Variants in ARHGAP31 observed in about 807,000 individuals in gnomAD.
The protein encoded by ARHGAP31 is Rho GTPase activating protein 31, also known as rho GTPase-activating protein 31.
In ARHGAP31, 34 loss-of-function variants were observed where a neutral mutation model predicts 113.9. The ratio of observed to expected loss-of-function variants is 0.30; its 90% CI spans 0.23 to 0.40. ARHGAP31 has a LOEUF of 0.40. Ranked by LOEUF, ARHGAP31 falls within the 10% of genes least tolerant of loss-of-function variation. The pLI, the probability that ARHGAP31 is intolerant of heterozygous loss-of-function variation, is 1.00. For synonymous variants in ARHGAP31, 650 were observed against 684.8 expected, an observed-to-expected ratio of 0.95 and a Z score of 0.79; for missense variants, 1,548 against 1,767.1, an observed-to-expected ratio of 0.88 and a Z score of 2.22.
rs577648575 is a variant in ARHGAP31 at position 119,390,038 on chromosome 3, C to G, written c.683-747C>G. Among the ~76,000 whole-genome samples the G allele has an allele frequency of 6.6e-5, 10 of 152,208 alleles. No homozygotes were observed. The South Asian group carries it at 2.1e-3, about 32-fold the overall frequency. On this transcript the variant is annotated intron_variant, in intron 6 of 11. Coordinates refer to ENST00000264245, the MANE Select transcript of ARHGAP31 (RefSeq NM_020754.4). Reference sequence around the variant, plus strand: ...ATATCTCCAGACATTGCCAGATGTCCCTGGGTGTGGAGGGGAGTGGTACAC... The same window carrying G: ...ATATCTCCAGACATTGCCAGATGTCGCTGGGTGTGGAGGGGAGTGGTACAC...
chr3:119,372,892 A>G (rs1168879333), intron 3 of ARHGAP31, among the ~76,000 whole-genome samples: 1 of 152,172 alleles, frequency 6.6e-6, no homozygotes, highest in Non-Finnish European at 1.5e-5. Context: ...ACACTACTTG[A>G]AAGTAGAGTT....
At chr3:119,411,048 G>A (rs1337458491) in intron 11 of ARHGAP31, among the ~76,000 whole-genome samples, 2 of 152,208 alleles carry the variant, frequency 1.3e-5, no homozygotes, top group African/African-American at 4.8e-5. Context: ...AGACCTCCAG[G>A]CAGAAAGAAT....
intron 11 of ARHGAP31, among the ~76,000 whole-genome samples, chr3:119,412,216 C>T (rs2080722392): frequency 6.6e-6 from 1 of 151,972 alleles, no homozygotes; most frequent in Admixed American, 6.6e-5. Flanking sequence ...TGGTGAAACC[C>T]CATCTCTACT....
At chr3:119,311,934 G>A (rs2079686585) in intron 1 of ARHGAP31, among the ~76,000 whole-genome samples, 1 of 152,194 alleles carries the variant, frequency 6.6e-6, no homozygotes, top group Admixed American at 6.5e-5. Flanking sequence ...CCAGACAGAG[G>A]TAACAACAAA....
Position 119,402,004 on chromosome 3 carries a change from A to G in ARHGAP31, c.1252A>G (p.Ser418Gly), listed in dbSNP as rs757025224. 4.3e-6 allele frequency: 7 copies of G among 1,614,152 alleles called. No individual in the cohort carries two copies. Among genetic ancestry groups the G allele is most frequent in the Non-Finnish European group, 5.9e-6 (7 of 1,180,010 alleles). The change falls in exon 10 of 12, where the codon AGC becomes GGC. Residue 418 changes from serine (S) to glycine (G), a missense_variant. Transcript: ENST00000264245. ...TGGCTTTGATGTGAGCAGTGATCGC[A>G]GCCATCTCCAGGGCGCTCAGGCCCG... Reference protein sequence around the residue: ...EGGFDVSSDRSHLQGAQARPP... With the variant: ...EGGFDVSSDRGHLQGAQARPP...
chr3:119,375,959 C>T (rs2080343105), intron 3 of ARHGAP31, among the ~76,000 whole-genome samples: 1 of 152,184 alleles, frequency 6.6e-6, no homozygotes, highest in South Asian at 2.1e-4. Context: ...TCCAGCAACC[C>T]TTCTGCTTCA....
chr3:119,397,087 G>A (rs2080559147), intron 8 of ARHGAP31, among the ~76,000 whole-genome samples: 1 of 152,182 alleles, frequency 6.6e-6, no homozygotes, highest in Non-Finnish European at 1.5e-5. Context: ...AAACTGGGGA[G>A]TACACCTCTG....
chr3:119,402,028 C>T lies in ARHGAP31; in HGVS notation c.1276C>T (p.Arg426Trp), dbSNP rs774182014. 1 of 1,614,150 alleles carries T rather than the reference C, an allele frequency of 6.2e-7. No homozygotes were observed. The highest frequency in any genetic ancestry group is 8.5e-7 in the Non-Finnish European group (1 of 1,180,020). Reference sequence around the variant, plus strand: ...CAGCCATCTCCAGGGCGCTCAGGCCCGGCCCCCACCGGAACAGCTGAAGGT... The same window carrying T: ...CAGCCATCTCCAGGGCGCTCAGGCCTGGCCCCCACCGGAACAGCTGAAGGT... Reference protein sequence around the residue: ...DRSHLQGAQARPPPEQLKVFR... With the variant: ...DRSHLQGAQAWPPPEQLKVFR... The change falls in exon 10 of 12, where the codon CGG becomes TGG. Residue 426 changes from arginine to tryptophan, a missense_variant. Physicochemically the swap from Arg to Trp is moderately radical, Grantham distance 101. Coordinates refer to ENST00000264245, the MANE Select transcript of ARHGAP31 (RefSeq NM_020754.4).
intron 1 of ARHGAP31, among the ~76,000 whole-genome samples, chr3:119,343,310 T>A (rs1237221010): frequency 6.6e-6 from 1 of 152,196 alleles, no homozygotes; most frequent in East Asian, 1.9e-4. Flanking sequence ...CTTTACAAAC[T>A]GAATGATGTT....
intron 1 of ARHGAP31, among the ~76,000 whole-genome samples, chr3:119,306,150 C>G (rs2079629152): frequency 6.6e-6 from 1 of 152,132 alleles, no homozygotes. Context: ...GTAATTCTTG[C>G]TTTTAAATTT....
chr3:119,357,316 C>T (rs1049362071), intron 1 of ARHGAP31, among the ~76,000 whole-genome samples: 4 of 151,992 alleles, frequency 2.6e-5, no homozygotes, highest in Admixed American at 1.3e-4. Context: ...TGGGCTCAGA[C>T]GAGGGAGTAT....
chr3:119,331,482 ACT>A (rs1439220383), intron 1 of ARHGAP31, among the ~76,000 whole-genome samples: 1 of 152,126 alleles, frequency 6.6e-6, no homozygotes, highest in East Asian at 1.9e-4. Context: ...AAAAAATAAA[ACT>A]CTGACTCCAT....
At position 119,399,709 on chromosome 3, in the gene ARHGAP31, A is replaced by G. The variant is rs554595071; in HGVS notation, c.1069+448A>G. Among the ~76,000 whole-genome samples the G allele has an allele frequency of 5.6e-4, 86 of 152,348 alleles. 1 individual carries two copies. In the South Asian group the frequency reaches 0.017, roughly 30 times the overall value. On this transcript the variant is annotated intron_variant, in intron 9 of 11. Coordinates refer to ENST00000264245, the MANE Select transcript of ARHGAP31 (RefSeq NM_020754.4). ...CGCTTCCTAGTTTTTGTGTCAAGTC[A>G]TGATTTTCAGTTGGTAGGTTCATTC...
intron 3 of ARHGAP31, among the ~76,000 whole-genome samples, chr3:119,376,318 G>A (rs577416579): frequency 2.0e-5 from 3 of 152,128 alleles, no homozygotes; most frequent in South Asian, 2.1e-4. Context: ...GTGAAACCCC[G>A]TCTCTACTAA....
At chr3:119,325,608 TCTC>T (rs1163493129) in intron 1 of ARHGAP31, among the ~76,000 whole-genome samples, 7 of 136,746 alleles carry the variant, frequency 5.1e-5, no homozygotes, top group Admixed American at 1.5e-4. Flanking sequence ...GAAGCTAGCT[TCTC>T]CTAGTTCTGT....
At chr3:119,400,887 T>C (rs921078508) in intron 9 of ARHGAP31, among the ~76,000 whole-genome samples, 2 of 152,190 alleles carry the variant, frequency 1.3e-5, no homozygotes, top group African/African-American at 4.8e-5. Flanking sequence ...GTCAAGAACT[T>C]GGTCTGGGCA....
Position 119,415,557 on chromosome 3 carries a change from A to G in ARHGAP31, c.3628A>G (p.Thr1210Ala). The G allele has an allele frequency of 6.2e-7, 1 of 1,613,998 alleles. No individual in the cohort carries two copies. The highest frequency in any genetic ancestry group is 8.5e-7 in the Non-Finnish European group (1 of 1,179,968). Residue 1210 changes from threonine to alanine, a missense_variant, in exon 12 of 12, where the codon ACC (threonine) becomes GCC (alanine). By Grantham distance (58) the Thr-to-Ala change is moderately conservative. Coordinates refer to ENST00000264245, the MANE Select transcript of ARHGAP31 (RefSeq NM_020754.4). Reference protein sequence around the residue: ...VPVIPPKIQYTQIPQPLPSQS... With the variant: ...VPVIPPKIQYAQIPQPLPSQS... The stretch of plus-strand genomic sequence containing the variant: ...AGTCATCCCTCCCAAGATTCAGTAC[A>G]CCCAGATCCCACAGCCCCTGCCCTC...
intron 1 of ARHGAP31, among the ~76,000 whole-genome samples, chr3:119,336,842 A>C (rs1014117785): frequency 6.6e-6 from 1 of 152,224 alleles, no homozygotes; most frequent in Non-Finnish European, 1.5e-5. Flanking sequence ...CCCGGCCCTA[A>C]GAAACCATGA....
In ARHGAP31 at chr3:119,414,711, A is replaced by G. The variant is rs1338039530; in HGVS notation, c.2782A>G (p.Lys928Glu). ...CTCTCCCACCCTGAAAGACGCGCAC[A>G]AGGCCCAGGTACAGGGCCTTCAGGG... ...LHSPTLKDAHKAQVQGLQGHQ... is the reference protein window; with the variant it reads ...LHSPTLKDAHEAQVQGLQGHQ... The change falls in exon 12 of 12, where the codon AAG becomes GAG. Residue 928 changes from lysine (K) to glutamate (E), a missense_variant. Transcript: ENST00000264245. 3.1e-6 allele frequency: 5 copies of G among 1,614,158 alleles called. No homozygotes were observed. Among genetic ancestry groups the G allele is most frequent in the Non-Finnish European group, 4.2e-6 (5 of 1,180,016 alleles).
Sources: gnomAD v4.1 joint callset for allele counts (sites outside exome capture counted in the v4.1 genomes callset) on GRCh38, gnomAD v4.1.1 for gene constraint, MANE v1.5 for transcripts, NCBI Gene and HGNC (gene_info 2026-07-23, HGNC 2026-07-21) for gene names.